CDH9: variants seen among roughly 807,000 people sequenced by gnomAD.
CDH9 encodes cadherin 9, also known as cadherin-9.
A neutral mutation model predicts 70.9 loss-of-function variants in CDH9; 28 were observed. The ratio of observed to expected loss-of-function variants is 0.40; its 90% CI spans 0.29 to 0.54. The LOEUF (loss-of-function observed/expected upper bound fraction) is 0.54. CDH9 is among the 20% of genes least tolerant of loss of function. The probability of loss-of-function intolerance (pLI) is 0.59; values close to 1 mark genes in which losing one functional copy is unlikely to be tolerated. For missense variants in CDH9, 874 were observed against 984.4 expected (o/e 0.89, Z 1.50); for synonymous variants, 409 against 343.1 (o/e 1.19, Z -2.12).
At chr5:27,026,873 T>G (rs1436679013) in intron 1 of CDH9, among the ~76,000 whole-genome samples, 3 of 152,018 alleles carry the variant, frequency 2.0e-5, no homozygotes, top group Non-Finnish European at 4.4e-5. Context: ...CCATTTTTGT[T>G]AGAATCATAT....
At chr5:26,990,093 G>A (rs866216624) in intron 1 of CDH9, among the ~76,000 whole-genome samples, 1 of 152,120 alleles carries the variant, frequency 6.6e-6, no homozygotes, top group Non-Finnish European at 1.5e-5. Context: ...ATGTAGAAGA[G>A]TTATCACAGT....
At chr5:26,974,134 C>T (rs1168951836) in intron 2 of CDH9, among the ~76,000 whole-genome samples, 5 of 152,102 alleles carry the variant, frequency 3.3e-5, no homozygotes, top group African/African-American at 1.2e-4. Flanking sequence ...TTCCCAGCTA[C>T]TCAGGAGGCT....
chr5:26,903,240 G>T, intron 6 of CDH9: 1 of 307,022 alleles, frequency 3.3e-6, no homozygotes, highest in African/African-American at 2.3e-5. Context: ...ATTGAAAATC[G>T]AGGCAACCAA....
At chr5:26,898,429 C>T (rs939169627) in intron 7 of CDH9, among the ~76,000 whole-genome samples, 3 of 152,146 alleles carry the variant, frequency 2.0e-5, no homozygotes, top group Non-Finnish European at 4.4e-5. Flanking sequence ...AACTACACTG[C>T]AAGTCTTCAG....
intron 1 of CDH9, among the ~76,000 whole-genome samples, chr5:27,014,519 T>C (rs1448547822): frequency 1.3e-5 from 2 of 151,968 alleles, no homozygotes; most frequent in Non-Finnish European, 2.9e-5. Flanking sequence ...AATAAAGCAG[T>C]ATAAGTTTGG....
intron 2 of CDH9, among the ~76,000 whole-genome samples, chr5:26,978,059 C>T (rs576841534): frequency 5.9e-5 from 9 of 151,958 alleles, no homozygotes; most frequent in East Asian, 1.9e-4. Flanking sequence ...CCTGCTGGGA[C>T]GAAACTCAAC....
At chr5:26,899,903 T>TATAAAA (rs1442823129) in intron 7 of CDH9, among the ~76,000 whole-genome samples, 1 of 151,056 alleles carries the variant, frequency 6.6e-6, no homozygotes, top group Non-Finnish European at 1.5e-5. Flanking sequence ...GCAAAAAATA[T>TATAAAA]ATAAAACCAG....
chr5:26,952,086 C>T (rs1741855908), intron 2 of CDH9, among the ~76,000 whole-genome samples: 1 of 150,218 alleles, frequency 6.7e-6, no homozygotes, highest in Admixed American at 6.6e-5. Flanking sequence ...GTTCAAGCCT[C>T]CCTAGTGGCT....
chr5:27,016,287 G>A (rs2112120260), intron 1 of CDH9, among the ~76,000 whole-genome samples: 1 of 151,854 alleles, frequency 6.6e-6, no homozygotes, highest in African/African-American at 2.4e-5. Flanking sequence ...TTATCATTCA[G>A]TGATAGACTA....
intron 7 of CDH9, among the ~76,000 whole-genome samples, chr5:26,897,460 G>A (rs993600422): frequency 1.3e-5 from 2 of 152,082 alleles, no homozygotes; most frequent in Non-Finnish European, 2.9e-5. Flanking sequence ...AAATCAAAAA[G>A]CTTATCAACC....
intron 2 of CDH9, among the ~76,000 whole-genome samples, chr5:26,979,774 G>GT (rs1225866164): frequency 6.6e-6 from 1 of 151,748 alleles, no homozygotes; most frequent in Non-Finnish European, 1.5e-5. Context: ...TTAACCTCAA[G>GT]TAAGTGGTAT....
chr5:26,952,495 CGTG>C (rs1179109024), intron 2 of CDH9, among the ~76,000 whole-genome samples: 1 of 106,608 alleles, frequency 9.4e-6, no homozygotes, highest in Non-Finnish European at 1.8e-5. Flanking sequence ...AAAAGCCGGG[CGTG>C]GTGGGAGGCG....
chr5:26,936,062 C>T (rs1437872957), intron 2 of CDH9, among the ~76,000 whole-genome samples: 3 of 151,304 alleles, frequency 2.0e-5, no homozygotes, highest in Admixed American at 6.6e-5. Context: ...GATGTGAAGG[C>T]GTGAGAATGA....
intron 2 of CDH9, among the ~76,000 whole-genome samples, chr5:26,927,829 C>T (rs939745375): frequency 4.6e-5 from 7 of 151,734 alleles, no homozygotes; most frequent in African/African-American, 1.7e-4. Context: ...ATTAATGGAC[C>T]CCTTGTAATT....
At chr5:27,017,111 T>C (rs1464352643) in intron 1 of CDH9, among the ~76,000 whole-genome samples, 1 of 151,878 alleles carries the variant, frequency 6.6e-6, no homozygotes, top group Non-Finnish European at 1.5e-5. Flanking sequence ...TGTTGCTGTT[T>C]GTCATATATA....
intron 1 of CDH9, among the ~76,000 whole-genome samples, chr5:27,011,107 G>A (rs574273476): frequency 6.6e-6 from 1 of 152,048 alleles, no homozygotes; most frequent in Admixed American, 6.6e-5. Flanking sequence ...TAGAGGTGGG[G>A]GAGAAGTGCA....
At chr5:26,948,930 C>T (rs1031341185) in intron 2 of CDH9, among the ~76,000 whole-genome samples, 2 of 152,138 alleles carry the variant, frequency 1.3e-5, no homozygotes, top group Non-Finnish European at 2.9e-5. Flanking sequence ...TGGGAGAACG[C>T]TATTAACCAA....
At chr5:26,886,639 T>C (rs1386565687) in intron 9 of CDH9, among the ~76,000 whole-genome samples, 1 of 152,176 alleles carries the variant, frequency 6.6e-6, no homozygotes, top group East Asian at 1.9e-4. Context: ...TTGAACTATT[T>C]TATTTAAATT....
chr5:26,945,276 A>G (rs889614732), intron 2 of CDH9, among the ~76,000 whole-genome samples: 14 of 151,938 alleles, frequency 9.2e-5, no homozygotes, highest in African/African-American at 3.1e-4. Flanking sequence ...TGAACAGTCA[A>G]ATGTGGTTTT....
Sources: allele counts gnomAD v4.1 joint callset (sites outside exome capture counted in the v4.1 genomes callset), GRCh38; gene constraint gnomAD v4.1.1; transcripts MANE v1.5; gene names NCBI Gene and HGNC (gene_info 2026-07-23, HGNC 2026-07-21).